MYLK: variants seen among roughly 807,000 people sequenced by gnomAD.
The protein encoded by MYLK is myosin light chain kinase.
A neutral mutation model predicts 203.4 loss-of-function variants in MYLK; 106 were observed. That is an observed-to-expected ratio of 0.52 (90% CI 0.45 to 0.61). MYLK has a LOEUF of 0.61. Ranked by LOEUF, MYLK falls within the 20% of genes least tolerant of loss-of-function variation. The probability of loss-of-function intolerance (pLI) is 0.00; values close to 1 mark genes in which losing one functional copy is unlikely to be tolerated. For synonymous variants in MYLK, 867 were observed against 959.5 expected, an observed-to-expected ratio of 0.90 and a Z score of 1.78; for missense variants, 2,072 against 2,442.3, an observed-to-expected ratio of 0.85 and a Z score of 3.20.
chr3:123,850,595 G>T (rs996792025), intron 2 of MYLK, among the ~76,000 whole-genome samples: 3 of 152,074 alleles, frequency 2.0e-5, no homozygotes, highest in Admixed American at 6.5e-5. Context: ...GGGGTTGTTT[G>T]TTTTTTTCTT....
chr3:123,727,722 T>C (rs1203468284), intron 11 of MYLK, among the ~76,000 whole-genome samples: 1 of 152,126 alleles, frequency 6.6e-6, no homozygotes, highest in East Asian at 1.9e-4. Context: ...GAAGATTTTC[T>C]TTCCTTTTTC....
intron 27 of MYLK, among the ~76,000 whole-genome samples, chr3:123,641,013 T>C (rs2058814516): frequency 6.6e-6 from 1 of 152,240 alleles, no homozygotes; most frequent in East Asian, 1.9e-4. Context: ...CTAAAATTAG[T>C]TGGCTGTAAC....
intron 2 of MYLK, among the ~76,000 whole-genome samples, chr3:123,866,819 A>G (rs1401656304): frequency 6.6e-6 from 1 of 152,102 alleles, no homozygotes; most frequent in Non-Finnish European, 1.5e-5. Context: ...AGAATTATAT[A>G]ATGCCAAACA....
intron 5 of MYLK, among the ~76,000 whole-genome samples, chr3:123,746,871 AT>A (rs2063034484): frequency 6.6e-6 from 1 of 152,200 alleles, no homozygotes; most frequent in South Asian, 2.1e-4. Context: ...GTTGAAAAGC[AT>A]TTATAAAGAA....
chr3:123,620,082 A>T, intron 32 of MYLK, 125 bp downstream of exon 32: 1 of 868,370 alleles, frequency 1.2e-6, no homozygotes, highest in Non-Finnish European at 1.9e-6. Flanking sequence ...ATTACTTCTG[A>T]ATTTATCCTT....
chr3:123,629,396 C>T lies in MYLK; in HGVS notation c.5114+78G>A, dbSNP rs2058315356. ...CGGGGTGGCAAGGAGGGCACCCCAA[C>T]AGGCAAAGGAATCCCCCTTTGCTTC... On this transcript the variant is annotated intron_variant, in intron 30 of 33. Coordinates refer to ENST00000360304, the MANE Select transcript of MYLK (RefSeq NM_053025.4). The surrounding 1 kb of genome is among the most constrained non-coding windows in gnomAD (Gnocchi z 4.4). The T allele has an allele frequency of 2.5e-6, 4 of 1,577,142 alleles. No homozygotes were observed. Among genetic ancestry groups the T allele is most frequent in the African/African-American group, 1.3e-5 (1 of 74,202 alleles).
intron 31 of MYLK, chr3:123,622,710 A>G (rs2057934540): frequency 6.6e-6 from 1 of 152,254 alleles, no homozygotes; most frequent in Non-Finnish European, 1.5e-5. Flanking sequence ...AAAACATAGA[A>G]AAATATTTGG....
intron 2 of MYLK, among the ~76,000 whole-genome samples, chr3:123,870,401 T>C (rs1027631677): frequency 2.0e-5 from 3 of 152,122 alleles, no homozygotes; most frequent in African/African-American, 7.2e-5. Context: ...GGCACAGGTG[T>C]TTCCACCCAG....
chr3:123,750,711 G>A (rs1272015139), intron 5 of MYLK, among the ~76,000 whole-genome samples: 2 of 152,178 alleles, frequency 1.3e-5, no homozygotes, highest in Non-Finnish European at 2.9e-5. Flanking sequence ...AGAGGGAACA[G>A]GGTAATTTTT....
At chr3:123,691,285 G>A (rs1165978110) in intron 19 of MYLK, 2 of 152,180 alleles carry the variant, frequency 1.3e-5, no homozygotes, top group Non-Finnish European at 2.9e-5. Context: ...GTGACAGCCT[G>A]GGTGAGGAGA....
At chr3:123,809,626 C>T (rs929523894) in intron 3 of MYLK, among the ~76,000 whole-genome samples, 5 of 152,360 alleles carry the variant, frequency 3.3e-5, no homozygotes, top group African/African-American at 9.6e-5. Context: ...TGCAGAGCCA[C>T]TCGCACACTC....
chr3:123,842,502 C>A (rs1210282190), intron 2 of MYLK, among the ~76,000 whole-genome samples: 1 of 152,162 alleles, frequency 6.6e-6, no homozygotes, highest in African/African-American at 2.4e-5. Flanking sequence ...ATATATAGAA[C>A]CCTATGCCTG....
At position 123,640,132 on chromosome 3, in the gene MYLK, G is replaced by A. The variant is rs7637006; in HGVS notation, c.4837+155C>T. Among the ~76,000 whole-genome samples, 12,657 of 151,246 alleles carry A rather than the reference G, an allele frequency of 0.084. 1,655 individuals carry two copies. The highest frequency in any genetic ancestry group is 0.29 in the African/African-American group (11,715 of 40,752). ...TGGGGAATTTGAGGCTTACTGTCAC[G>A]TCTAGTATGTGGTAGGGGCAGGATT... On this transcript the variant is annotated intron_variant, in intron 28 of 33. Transcript: ENST00000360304. The surrounding 1 kb of genome is among the most constrained non-coding windows in gnomAD (Gnocchi z 4.3).
intron 33 of MYLK, among the ~76,000 whole-genome samples, chr3:123,616,023 C>A (rs758163065): frequency 2.0e-5 from 3 of 152,076 alleles, no homozygotes; most frequent in Non-Finnish European, 4.4e-5. Flanking sequence ...AAAATGGGAA[C>A]AAGGGATCTT....
chr3:123,614,866 G>A (rs1395699970), intron 33 of MYLK, among the ~76,000 whole-genome samples: 3 of 152,064 alleles, frequency 2.0e-5, no homozygotes, highest in African/African-American at 7.2e-5. Flanking sequence ...GAGTGCAGTG[G>A]CATGAACATG....
intron 27 of MYLK, among the ~76,000 whole-genome samples, chr3:123,645,328 T>C (rs967134556): frequency 2.6e-5 from 4 of 152,212 alleles, no homozygotes; most frequent in South Asian, 2.1e-4. Flanking sequence ...CACTCGGAAC[T>C]ACTATTGCCT....
chr3:123,733,602 G>A (rs887129272), intron 10 of MYLK, 85 bp downstream of exon 10: 22 of 1,519,708 alleles, frequency 1.4e-5, no homozygotes, highest in African/African-American at 1.4e-4. Flanking sequence ...TATAGGTGAT[G>A]CAGACTAGCT....
At chr3:123,641,067 G>A (rs913839279) in intron 27 of MYLK, among the ~76,000 whole-genome samples, 3 of 152,198 alleles carry the variant, frequency 2.0e-5, no homozygotes, top group Non-Finnish European at 4.4e-5. Context: ...CTCTGGCCAG[G>A]CCTATAGTAT....
intron 4 of MYLK, among the ~76,000 whole-genome samples, chr3:123,760,082 A>T (rs2063486536): frequency 6.6e-6 from 1 of 152,240 alleles, no homozygotes; most frequent in Non-Finnish European, 1.5e-5. Flanking sequence ...CAGCTGCCTG[A>T]CATTGAGCAA....
Sources: allele counts gnomAD v4.1 joint callset (sites outside exome capture counted in the v4.1 genomes callset), GRCh38; gene constraint gnomAD v4.1.1; non-coding constraint Gnocchi (gnomAD v3.1); transcripts MANE v1.5; gene names NCBI Gene and HGNC (gene_info 2026-07-23, HGNC 2026-07-21).